ORC3: variants seen among roughly 807,000 people sequenced by gnomAD.
ORC3 encodes homolog of latheo, Drosophila.
ORC3 carries 78 observed loss-of-function variants against 100.7 expected under a neutral mutation model. The observed-to-expected ratio is 0.77, with a 90% confidence interval of 0.65 to 0.94. The LOEUF is 0.94. Ranked by LOEUF, ORC3 falls within the 40% of genes least tolerant of loss-of-function variation. The pLI is 0.00. For synonymous variants in ORC3, 295 were observed against 289.3 expected (o/e 1.02, Z -0.20); for missense variants, 789 against 823.9 (o/e 0.96, Z 0.52).
chr6:87,653,083 A>G, intron 13 of ORC3, 33 bp from the exon 14 acceptor site: 1 of 1,525,656 alleles, frequency 6.6e-7, no homozygotes, highest in Non-Finnish European at 8.9e-7. Context: ...TTTTCTAGTT[A>G]TATTACATTT....
chr6:87,612,279 G>A (rs7752473), intron 8 of ORC3, 31 bp downstream of exon 8: 151,666 of 1,523,946 alleles, frequency 0.1, 7,953 homozygotes, highest in East Asian at 0.15. Context: ...CAGTGAAATA[G>A]GATGAAAAGA....
intron 17 of ORC3, 29 bp downstream of exon 17, chr6:87,663,173 T>A (rs1280849479): frequency 2.1e-5 from 33 of 1,573,706 alleles, no homozygotes; most frequent in Non-Finnish European, 2.9e-5. Flanking sequence ...TTTCTGATAG[T>A]TTAGCTCAGA....
intron 13 of ORC3, chr6:87,651,297 C>G (rs1335262104): frequency 2.2e-6 from 1 of 456,288 alleles, no homozygotes. Flanking sequence ...CTTCTGCCAG[C>G]AGAACCTCAC....
At chr6:87,594,443 CCTT>C in intron 2 of ORC3, 36 bp downstream of exon 2, 1 of 1,517,782 alleles carries the variant, frequency 6.6e-7, no homozygotes, top group Non-Finnish European at 9.0e-7. Context: ...TTATTCCCTA[CCTT>C]CTTAAACTAT....
At chr6:87,590,314 A>G in intron 1 of ORC3, 122 bp downstream of exon 1, 4 of 1,104,060 alleles carry the variant, frequency 3.6e-6, no homozygotes, top group Non-Finnish European at 4.1e-6. Flanking sequence ...GGAGCGGCGT[A>G]CTGAGCTGAG....
At chr6:87,664,695 C>G in intron 17 of ORC3, 48 bp from the exon 18 acceptor site, 1 of 1,445,774 alleles carries the variant, frequency 6.9e-7, no homozygotes, top group Non-Finnish European at 9.7e-7. Context: ...GATTTTATTC[C>G]TAATAATTTA....
Position 87,612,152 on chromosome 6 carries a change from C to A in ORC3, c.777C>A (p.Ile259=). ...IFGIATSPII[I]HRLLPHAVSS... is the part of the protein sequence containing the mutation. ...GAATAGCCACATCTCCTATTATCAT[C>A]CACCGATTGCTTCCTCATGCAGTAT... The change falls in exon 8 of 20, where the codon ATC becomes ATA. Residue 259 remains isoleucine (I), a synonymous_variant. Coordinates refer to ENST00000392844, the MANE Select transcript of ORC3 (RefSeq NM_012381.4). 6.2e-7 allele frequency: 1 copy of A among 1,613,568 alleles called. No individual in the cohort carries two copies. Among genetic ancestry groups the A allele is most frequent in the Non-Finnish European group, 8.5e-7 (1 of 1,179,666 alleles).
At chr6:87,677,802 TA>T in the ORC3 span, 6 of 1,609,994 alleles carry the variant, frequency 3.7e-6, no homozygotes, top group Admixed American at 1.0e-4. Flanking sequence ...GAAACTCTAA[TA>T]AACACACCTC....
chr6:87,674,644 T>TATA, the ORC3 span, among the ~76,000 whole-genome samples: 18 of 133,444 alleles, frequency 1.3e-4, no homozygotes, highest in African/African-American at 5.3e-4. Flanking sequence ...ATATATATAT[T>TATA]TTTTTTTTTT....
At chr6:87,671,897 C>T (rs928597038), downstream of ORC3, among the ~76,000 whole-genome samples, 8 of 149,840 alleles carry the variant, frequency 5.3e-5, no homozygotes, top group Non-Finnish European at 1.2e-4. Context: ...ACCATAGCAT[C>T]ACCTTGCACT....
At chr6:87,647,447 A>G (rs1768887841) in intron 13 of ORC3, among the ~76,000 whole-genome samples, 1 of 152,148 alleles carries the variant, frequency 6.6e-6, no homozygotes, top group Non-Finnish European at 1.5e-5. Context: ...ACTTGATCAA[A>G]TGTCATCTTT....
the ORC3 span, among the ~76,000 whole-genome samples, chr6:87,676,684 G>A: frequency 0.012 from 1,837 of 151,602 alleles, 40 homozygotes; most frequent in African/African-American, 0.041. Flanking sequence ...GGAGGTTAAG[G>A]CAGGAGAATC....
chr6:87,609,120 A>C lies in ORC3; in HGVS notation c.604A>C (p.Lys202Gln). The change falls in exon 7 of 20, where the codon AAA becomes CAA. Residue 202 changes from lysine to glutamine, a missense_variant. This residue lies in a region of ORC3 where 399 missense variants were observed against 382.0 expected (regional missense o/e 1.04). Transcript: ENST00000392844. ...TQKTDPKMLS[K>Q]KRTTSSQWQS... ...GAAGACGGACCCAAAAATGCTAAGC[A>C]AAAAAAGGACTACTTCTAGCCAATG... The C allele has an allele frequency of 3.7e-6, 6 of 1,600,986 alleles. No homozygotes were observed. Among genetic ancestry groups the C allele is most frequent in the Non-Finnish European group, 5.1e-6 (6 of 1,175,812 alleles).
chr6:87,662,970 A>C, intron 16 of ORC3, 33 bp from the exon 17 acceptor site: 3 of 1,524,338 alleles, frequency 2.0e-6, no homozygotes, highest in Non-Finnish European at 2.7e-6. Flanking sequence ...ACCTGTGCTT[A>C]TCTAAACATG....
Position 87,607,683 on chromosome 6 carries a change from T to C in ORC3, c.438T>C (p.His146=). The change falls in exon 6 of 20, where the codon CAT becomes CAC. Residue 146 remains histidine, a synonymous_variant. Coordinates refer to ENST00000392844, the MANE Select transcript of ORC3 (RefSeq NM_012381.4). ...LQAKDCPDMK[H]FLQKLISQLM... is the part of the protein sequence containing the mutation. ...TTTTATATTCCACAGATATGAAACATTTTTTGCAAAAGTTGATCTCACAGT... is the reference window on the plus strand; with the variant it reads ...TTTTATATTCCACAGATATGAAACACTTTTTGCAAAAGTTGATCTCACAGT... 6.2e-7 allele frequency: 1 copy of C among 1,602,404 alleles called. No individual in the cohort carries two copies. Among genetic ancestry groups the C allele is most frequent in the Non-Finnish European group, 8.5e-7 (1 of 1,175,516 alleles).
chr6:87,656,978 A>G lies in ORC3; in HGVS notation c.1589A>G (p.Gln530Arg), dbSNP rs750255923. 11 of 1,603,758 alleles carry G rather than the reference A, an allele frequency of 6.9e-6. No individual in the cohort carries two copies. In the African/African-American group the frequency reaches 9.4e-5, roughly 14 times the overall value. The change falls in exon 15 of 20, where the codon CAG (glutamine) becomes CGG (arginine). Residue 530 changes from glutamine (Q) to arginine (R), a missense_variant. Gln to Arg is a conservative substitution (Grantham distance 43, BLOSUM62 1). This residue lies in a region of ORC3 where 366 missense variants were observed against 394.2 expected (regional missense o/e 0.93). Coordinates refer to ENST00000392844, the MANE Select transcript of ORC3 (RefSeq NM_012381.4). ...CAGAAGACAGACCTCTATCATCTTC[A>G]GAAGGTCAGGTCACTCTCTTCCCTT... is the stretch of plus-strand genomic sequence containing the variant. The part of the protein sequence containing the change: ...GLQKTDLYHL[Q>R]KSLLEMKELR...
At chr6:87,607,194 G>T (rs1203768685) in intron 5 of ORC3, among the ~76,000 whole-genome samples, 2 of 152,134 alleles carry the variant, frequency 1.3e-5, no homozygotes, top group South Asian at 2.1e-4. Flanking sequence ...ACTTTGGGAG[G>T]CTGAGGCAGG....
intron 8 of ORC3, among the ~76,000 whole-genome samples, chr6:87,614,375 A>G (rs923575841): frequency 2.0e-5 from 3 of 152,164 alleles, no homozygotes; most frequent in African/African-American, 7.2e-5. Context: ...CAGGCTTGTG[A>G]TGGGAGGGGC....
chr6:87,663,892 T>G (rs28381542), intron 17 of ORC3, among the ~76,000 whole-genome samples: 5,330 of 152,250 alleles, frequency 0.035, 315 homozygotes, highest in African/African-American at 0.12. Context: ...CCGTAAGACC[T>G]ATGAAGAGCA....
Sources: allele counts gnomAD v4.1 joint callset (sites outside exome capture counted in the v4.1 genomes callset), GRCh38; gene constraint gnomAD v4.1.1; regional missense constraint gnomAD v4.1.1; transcripts MANE v1.5; gene names NCBI Gene and HGNC (gene_info 2026-07-23, HGNC 2026-07-21).